LINGO2: variants seen among roughly 807,000 people sequenced by gnomAD.
LINGO2 encodes the protein leucine-rich repeat and immunoglobulin-like domain-containing nogo receptor-interacting protein 2.
LINGO2 carries 14 observed loss-of-function variants against 30.6 expected under a neutral mutation model. That is an observed-to-expected ratio of 0.46 (90% CI 0.30 to 0.72). LINGO2 has a LOEUF of 0.72. LINGO2 is among the 30% of genes least tolerant of loss of function. The pLI is 0.07. For missense variants in LINGO2, 729 were observed against 751.7 expected (o/e 0.97, Z 0.35); for synonymous variants, 317 against 288.5 (o/e 1.10, Z -1.00).
At chr9:28,030,335 C>G (rs1220345176) in intron 4 of LINGO2, among the ~76,000 whole-genome samples, 1 of 152,126 alleles carries the variant, frequency 6.6e-6, no homozygotes, top group African/African-American at 2.4e-5. Context: ...TATATTTTAT[C>G]ACAATGTAGT....
chr9:28,227,518 C>A (rs1821210622), intron 4 of LINGO2, among the ~76,000 whole-genome samples: 1 of 152,042 alleles, frequency 6.6e-6, no homozygotes, highest in African/African-American at 2.4e-5. Context: ...CCATTCTCCC[C>A]TTCTATGTGG....
chr9:29,191,046 T>G, the LINGO2 span, among the ~76,000 whole-genome samples: 1 of 152,084 alleles, frequency 6.6e-6, no homozygotes, highest in Non-Finnish European at 1.5e-5. Flanking sequence ...TTAAAAACAT[T>G]AAGTACAAGA....
the LINGO2 span, among the ~76,000 whole-genome samples, chr9:28,932,068 T>C: frequency 0.085 from 12,554 of 147,946 alleles, 694 homozygotes; most frequent in East Asian, 0.23. Flanking sequence ...GATTGCGCCA[T>C]TGCACTCCAG....
intron 1 of LINGO2, among the ~76,000 whole-genome samples, chr9:28,668,397 T>C (rs1828882868): frequency 6.6e-6 from 1 of 152,108 alleles, no homozygotes; most frequent in South Asian, 2.1e-4. Context: ...TTACTTGCCT[T>C]AAACTTCGGT....
the LINGO2 span, among the ~76,000 whole-genome samples, chr9:28,768,650 A>G: frequency 1.4e-5 from 2 of 143,874 alleles, 1 homozygote; most frequent in African/African-American, 5.5e-5. Context: ...ACACACACAC[A>G]CACAGTCTCT....
At chr9:28,930,611 CT>C in the LINGO2 span, among the ~76,000 whole-genome samples, 1 of 152,070 alleles carries the variant, frequency 6.6e-6, no homozygotes. The surrounding 1 kb of genome is among the most constrained non-coding windows in gnomAD (Gnocchi z 4.2). Context: ...GCAGAAGTAT[CT>C]TTTATCTTTG....
At chr9:29,071,169 G>GTATTA in the LINGO2 span, among the ~76,000 whole-genome samples, 8 of 114,916 alleles carry the variant, frequency 7.0e-5, no homozygotes, top group East Asian at 1.2e-3. Context: ...GTATTGTATT[G>GTATTA]TATTGTATTG....
the LINGO2 span, among the ~76,000 whole-genome samples, chr9:29,075,413 T>C: frequency 6.6e-6 from 1 of 152,202 alleles, no homozygotes; most frequent in East Asian, 1.9e-4. Context: ...TATACTGTGA[T>C]TGGAGGAGTG....
intron 4 of LINGO2, among the ~76,000 whole-genome samples, chr9:28,079,903 C>T (rs1169760233): frequency 3.3e-5 from 5 of 152,158 alleles, no homozygotes; most frequent in East Asian, 1.9e-4. Flanking sequence ...TGTCATTATG[C>T]GACATCTCAG....
intron 1 of LINGO2, among the ~76,000 whole-genome samples, chr9:28,546,635 G>A (rs1483909028): frequency 2.0e-5 from 3 of 152,162 alleles, no homozygotes; most frequent in South Asian, 4.1e-4. Flanking sequence ...AATATTTCTA[G>A]GTTTTATGGC....
chr9:28,796,765 A>T, the LINGO2 span, among the ~76,000 whole-genome samples: 1 of 152,010 alleles, frequency 6.6e-6, no homozygotes, highest in African/African-American at 2.4e-5. Flanking sequence ...TATAGATAAA[A>T]GTATTCCCAC....
At chr9:29,184,171 A>T in the LINGO2 span, among the ~76,000 whole-genome samples, 1 of 152,142 alleles carries the variant, frequency 6.6e-6, no homozygotes, top group African/African-American at 2.4e-5. Context: ...TAAATGCCAA[A>T]TTTGAACAGG....
the LINGO2 span, among the ~76,000 whole-genome samples, chr9:29,154,916 T>C: frequency 6.6e-6 from 1 of 152,196 alleles, no homozygotes; most frequent in Non-Finnish European, 1.5e-5. Flanking sequence ...CACCTCAGAC[T>C]CTACAGTCCC....
intron 1 of LINGO2, among the ~76,000 whole-genome samples, chr9:28,589,364 T>C (rs12377923): frequency 0.27 from 41,146 of 152,004 alleles, 5,949 homozygotes; most frequent in Admixed American, 0.36. Context: ...TCAAGTTGTC[T>C]CTGTTTGCAG....
intron 4 of LINGO2, among the ~76,000 whole-genome samples, chr9:28,244,280 GAACA>G (rs1174602326): frequency 1.3e-5 from 2 of 152,182 alleles, no homozygotes; most frequent in Non-Finnish European, 2.9e-5. Flanking sequence ...AAACCAATGA[GAACA>G]AACAGACAAT....
At chr9:28,145,780 A>C (rs1827796611) in intron 4 of LINGO2, among the ~76,000 whole-genome samples, 1 of 152,044 alleles carries the variant, frequency 6.6e-6, no homozygotes, top group Non-Finnish European at 1.5e-5. Context: ...TTTAAACATT[A>C]AAAGGTCTTC....
the LINGO2 span, among the ~76,000 whole-genome samples, chr9:28,842,206 T>C: frequency 1.3e-5 from 2 of 151,874 alleles, no homozygotes; most frequent in Non-Finnish European, 2.9e-5. Flanking sequence ...AACAGATTGA[T>C]AACAACACCT....
the LINGO2 span, chr9:28,863,677 G>T: frequency 3.8e-6 from 2 of 531,848 alleles, no homozygotes; most frequent in Non-Finnish European, 7.7e-6. Context: ...CTTAGATATG[G>T]TGATTCACAA....
chr9:27,954,464 G>C (rs866882998), intron 5 of LINGO2, among the ~76,000 whole-genome samples: 4 of 152,050 alleles, frequency 2.6e-5, no homozygotes, highest in Admixed American at 6.6e-5. Context: ...TTCTGTGCTC[G>C]GCTTAATTCA....
Sources: gnomAD v4.1 joint callset for allele counts (sites outside exome capture counted in the v4.1 genomes callset) on GRCh38, gnomAD v4.1.1 for gene constraint, Gnocchi (gnomAD v3.1) non-coding constraint, MANE v1.5 for transcripts, NCBI Gene and HGNC (gene_info 2026-07-23, HGNC 2026-07-21) for gene names.